PLSCR2: variants seen among roughly 807,000 people sequenced by gnomAD.
PLSCR2 encodes PL scramblase 2.
PLSCR2 carries 18 observed loss-of-function variants against 25.3 expected under a neutral mutation model. That is an observed-to-expected ratio of 0.71 (90% CI 0.49 to 1.06). The LOEUF (loss-of-function observed/expected upper bound fraction) is 1.06, where lower values mean the gene tolerates loss of function less well. PLSCR2 is among the 50% of genes least tolerant of loss of function. The pLI, the probability that PLSCR2 is intolerant of heterozygous loss-of-function variation, is 0.00. For missense variants in PLSCR2, 243 were observed against 269.5 expected (o/e 0.90, Z 0.69); for synonymous variants, 88 against 87.3 (o/e 1.01, Z -0.04).
chr3:146,451,272 G>A (rs1262331354), intron 5 of PLSCR2, among the ~76,000 whole-genome samples: 1 of 151,696 alleles, frequency 6.6e-6, no homozygotes, highest in African/African-American at 2.4e-5. Context: ...CTGCCACCAC[G>A]CCTGGCTAAT....
At chr3:146,463,641 A>G (rs1398305127), upstream of PLSCR2, among the ~76,000 whole-genome samples, 3 of 152,218 alleles carry the variant, frequency 2.0e-5, no homozygotes, top group African/African-American at 7.2e-5. Flanking sequence ...CAAAAACTCC[A>G]TTACCCAAAA....
intron 5 of PLSCR2, among the ~76,000 whole-genome samples, chr3:146,452,645 G>A (rs1197777436): frequency 6.6e-6 from 1 of 152,098 alleles, no homozygotes; most frequent in Non-Finnish European, 1.5e-5. Context: ...TGCAGACATA[G>A]AGAATTGAAG....
At chr3:146,393,333 T>G (rs1463895004) in intron 3 of PLSCR2, among the ~76,000 whole-genome samples, 1 of 151,362 alleles carries the variant, frequency 6.6e-6, no homozygotes, top group Non-Finnish European at 1.5e-5. Flanking sequence ...CAGCCTACAT[T>G]TCTATATGTA....
chr3:146,494,133 A>G (rs911477780), intron 1 of PLSCR2, among the ~76,000 whole-genome samples: 1 of 151,980 alleles, frequency 6.6e-6, no homozygotes, highest in Non-Finnish European at 1.5e-5. Context: ...TAATGTTCGG[A>G]GTTCTAAAAT....
chr3:146,486,549 C>G (rs897837937), intron 1 of PLSCR2, among the ~76,000 whole-genome samples: 3 of 151,894 alleles, frequency 2.0e-5, no homozygotes, highest in African/African-American at 7.3e-5. Context: ...CACCTCTATA[C>G]AAATAAACTA....
chr3:146,494,026 T>C (rs2043656572), intron 1 of PLSCR2, among the ~76,000 whole-genome samples: 2 of 152,080 alleles, frequency 1.3e-5, no homozygotes, highest in Admixed American at 6.5e-5. Flanking sequence ...AATCTGGGGA[T>C]TGGAGGATGG....
chr3:146,405,443 G>A (rs376966147), intron 2 of PLSCR2, among the ~76,000 whole-genome samples: 11 of 152,064 alleles, frequency 7.2e-5, no homozygotes, highest in Admixed American at 2.0e-4. Flanking sequence ...GAGCCAAGAC[G>A]GAGTCTGTCT....
rs563880016 is a variant in PLSCR2 at position 146,410,834 on chromosome 3, G to A, written c.101-14913C>T. Among the ~76,000 whole-genome samples, 5 of 152,300 alleles carry A rather than the reference G, an allele frequency of 3.3e-5. No individual in the cohort carries two copies. In the East Asian group the frequency reaches 7.7e-4, roughly 24 times the overall value. Reference sequence around the variant, plus strand: ...GGTCCCATGATGGGATCATTCAGATGCCCACCTGGCCGCTCCCCCTGAGGG... The same window carrying A: ...GGTCCCATGATGGGATCATTCAGATACCCACCTGGCCGCTCCCCCTGAGGG... On this transcript the variant is annotated intron_variant and NMD_transcript_variant, in intron 2 of 3. Transcript: ENST00000463633.
chr3:146,443,458 G>T (rs935939940), intron 6 of PLSCR2, among the ~76,000 whole-genome samples: 10 of 151,598 alleles, frequency 6.6e-5, no homozygotes, highest in African/African-American at 2.4e-4. Context: ...GACTGTTCAG[G>T]TTTTAGATTT....
In PLSCR2 at chr3:146,452,156, G is replaced by A. The variant is rs1488243806; in HGVS notation, c.483+1846C>T. ...AACTGTGGTGTCTGCATTATCTACAGGTGAGTGAGTGTCAGAATTGAACTG... is the reference window on the plus strand; with the variant it reads ...AACTGTGGTGTCTGCATTATCTACAAGTGAGTGAGTGTCAGAATTGAACTG... On this transcript the variant is annotated intron_variant, in intron 5 of 6. Transcript: ENST00000610787. Among the ~76,000 whole-genome samples, 11 of 152,194 alleles carry A rather than the reference G, an allele frequency of 7.2e-5. No individual in the cohort carries two copies. The East Asian group carries it at 1.9e-3, about 27-fold the overall frequency.
intron 5 of PLSCR2, among the ~76,000 whole-genome samples, chr3:146,451,107 CTTTTTTTTTT>C (rs58373001): frequency 3.8e-5 from 3 of 79,482 alleles, no homozygotes; most frequent in Non-Finnish European, 7.0e-5. Context: ...ATTAAGTTTT[CTTTTTTTTTT>C]TTTTTTTTTT....
At chr3:146,429,092 C>T (rs368439436), downstream of PLSCR2, among the ~76,000 whole-genome samples, 65 of 152,176 alleles carry the variant, frequency 4.3e-4, no homozygotes, top group South Asian at 1.0e-2. Context: ...TACCTGAGGC[C>T]GAGTAATTTA....
intron 2 of PLSCR2, among the ~76,000 whole-genome samples, chr3:146,418,511 G>A (rs1455331130): frequency 6.6e-6 from 1 of 152,094 alleles, no homozygotes. Flanking sequence ...CCTGTTAGAG[G>A]CATTTCTGTT....
intron 1 of PLSCR2, among the ~76,000 whole-genome samples, chr3:146,465,508 C>T (rs2041818613): frequency 6.7e-6 from 1 of 148,670 alleles, no homozygotes; most frequent in Admixed American, 6.8e-5. Context: ...CAAATAAATT[C>T]AGATTAATAA....
chr3:146,424,864 C>A (rs1162347445), intron 2 of PLSCR2, among the ~76,000 whole-genome samples: 5 of 138,954 alleles, frequency 3.6e-5, no homozygotes, highest in African/African-American at 1.3e-4. Context: ...TTAATAAGGG[C>A]CCTAAAGTGC....
chr3:146,408,056 C>CAT (rs2038718447), intron 2 of PLSCR2, among the ~76,000 whole-genome samples: 1 of 152,132 alleles, frequency 6.6e-6, no homozygotes, highest in Non-Finnish European at 1.5e-5. Flanking sequence ...ATTTGACATC[C>CAT]ATTCACCAGA....
chr3:146,433,814 T>C (rs1477910246), intron 8 of PLSCR2, among the ~76,000 whole-genome samples: 3 of 152,168 alleles, frequency 2.0e-5, no homozygotes, highest in African/African-American at 7.2e-5. Flanking sequence ...TTTCTGTAGC[T>C]CCACTGCTAT....
At chr3:146,481,302 T>A (rs151316124) in intron 1 of PLSCR2, among the ~76,000 whole-genome samples, 4 of 152,356 alleles carry the variant, frequency 2.6e-5, no homozygotes, top group African/African-American at 9.6e-5. Context: ...TATCCCTGTT[T>A]GCAGATGACA....
intron 3 of PLSCR2, 151 bp downstream of exon 3, chr3:146,458,260 T>C (rs558709285): frequency 7.9e-6 from 5 of 634,266 alleles, no homozygotes; most frequent in South Asian, 2.6e-5. Context: ...AATAGACTAC[T>C]GATTTCATTA....
Sources: gnomAD v4.1 joint callset for allele counts (sites outside exome capture counted in the v4.1 genomes callset) on GRCh38, gnomAD v4.1.1 for gene constraint, MANE v1.5 for transcripts, NCBI Gene and HGNC (gene_info 2026-07-23, HGNC 2026-07-21) for gene names.